RCN3: variants seen among roughly 807,000 people sequenced by gnomAD.
RCN3 encodes the protein reticulocalbin 3.
Under a neutral mutation model 35.9 loss-of-function variants are expected in RCN3, and 41 were observed. The ratio of observed to expected loss-of-function variants is 1.14; its 90% CI spans 0.89 to 1.48. RCN3 has a LOEUF of 1.48. RCN3 is among the 40% of genes most tolerant of loss of function. The probability of loss-of-function intolerance (pLI) is 0.00; values close to 1 mark genes in which losing one functional copy is unlikely to be tolerated. For missense variants in RCN3, 451 were observed against 471.3 expected, an observed-to-expected ratio of 0.96 and a Z score of 0.40; for synonymous variants, 187 against 193.4, an observed-to-expected ratio of 0.97 and a Z score of 0.27.
intron 4 of RCN3, among the ~76,000 whole-genome samples, chr19:49,537,969 C>CT (rs58208424): frequency 2.0e-5 from 3 of 148,798 alleles, no homozygotes; most frequent in South Asian, 2.1e-4. Flanking sequence ...TAGAAGAAGG[C>CT]TTTTTTTTTC....
intron 3 of RCN3, among the ~76,000 whole-genome samples, chr19:49,535,871 TATATAG>T (rs1210405684): frequency 4.8e-5 from 7 of 146,294 alleles, no homozygotes; most frequent in African/African-American, 7.6e-5. Flanking sequence ...AATATATATA[TATATAG>T]ATAGATAGAT....
chr19:49,539,115 C>T lies in RCN3; in HGVS notation c.619-4C>T. The T allele has an allele frequency of 6.3e-7, 1 of 1,598,596 alleles. No homozygotes were observed. Among genetic ancestry groups the T allele is most frequent in the African/African-American group, 1.3e-5 (1 of 74,336 alleles). On this transcript the variant is annotated splice_region_variant and splice_polypyrimidine_tract_variant and intron_variant, in intron 4 of 6. Transcript: ENST00000270645. Reference sequence around the variant, plus strand: ...CCCAGCCTCAATGCCCCTTTCTCCTCCAGGAAACCCTGGAGGACCTGGACA... The same window carrying T: ...CCCAGCCTCAATGCCCCTTTCTCCTTCAGGAAACCCTGGAGGACCTGGACA...
Position 49,531,115 on chromosome 19 carries a change from A to G in RCN3, c.242+2401A>G, listed in dbSNP as rs565234419. ...GGGGATCACTTGAGCCCAGGAGTTC[A>G]AGACCAGCCTGGGCAACATAGTGAT... On this transcript the variant is annotated intron_variant, in intron 2 of 6. Transcript: ENST00000270645. 3.3e-5 allele frequency among the ~76,000 whole-genome samples: 5 copies of G among 152,150 alleles called. No individual in the cohort carries two copies. The East Asian group carries it at 9.7e-4, about 30-fold the overall frequency.
At chr19:49,534,145 G>GCCTGGGGGCGGGA in intron 2 of RCN3, 48 bp from the exon 3 acceptor site, 4 of 1,439,294 alleles carry the variant, frequency 2.8e-6, no homozygotes, top group Non-Finnish European at 3.6e-6. Context: ...GAGGGGCGGG[G>GCCTGGGGGCGGGA]CCTGGGGGCG....
intron 2 of RCN3, among the ~76,000 whole-genome samples, chr19:49,531,751 C>G (rs1313473059): frequency 6.6e-6 from 1 of 152,146 alleles, no homozygotes; most frequent in Non-Finnish European, 1.5e-5. Flanking sequence ...GCACATTTAG[C>G]TTAGCACTAA....
Position 49,542,687 on chromosome 19 carries a change from C to T in RCN3, c.814C>T (p.Pro272Ser), listed in dbSNP as rs1483134891. 1 of 1,597,092 alleles carries T rather than the reference C, an allele frequency of 6.3e-7. No homozygotes were observed. The highest frequency in any genetic ancestry group is 2.3e-5 in the East Asian group (1 of 44,284). ...DGSEVGHWVL[P>S]PAQDQPLVEA... is the part of the protein sequence containing the mutation. ...GAGTGAGGTGGGCCACTGGGTGCTG[C>T]CCCCTGCCCAGGACCAGCCCCTGGT... The change falls in exon 6 of 7, where the codon CCC (proline) becomes TCC (serine). Residue 272 changes from proline to serine, a missense_variant. Physicochemically the swap from Pro to Ser is moderately conservative, Grantham distance 74. Coordinates refer to ENST00000270645, the MANE Select transcript of RCN3 (RefSeq NM_020650.3).
intron 5 of RCN3, 51 bp from the exon 6 acceptor site, chr19:49,542,502 C>A: frequency 1.4e-6 from 2 of 1,395,638 alleles, no homozygotes; most frequent in Non-Finnish European, 2.0e-6. Context: ...CCCAGCTCCA[C>A]TAGACCCCCA....
chr19:49,528,690 C>G lies in RCN3; in HGVS notation c.218C>G (p.Pro73Arg), dbSNP rs756894893. The change falls in exon 2 of 7, where the codon CCA becomes CGA. Residue 73 changes from proline (P) to arginine (R), a missense_variant. By Grantham distance (103) the Pro-to-Arg change is moderately radical. Coordinates refer to ENST00000270645, the MANE Select transcript of RCN3 (RefSeq NM_020650.3). ...EVAKEFDQLT[P>R]EESQARLGRI... ...GCCAAGGAATTCGACCAACTCACCC[C>G]AGAGGAAAGCCAGGCCCGTCTGGGG... 2.5e-6 allele frequency: 4 copies of G among 1,602,078 alleles called. No homozygotes were observed. Among genetic ancestry groups the G allele is most frequent in the Admixed American group, 3.4e-5 (2 of 58,332 alleles).
intron 4 of RCN3, among the ~76,000 whole-genome samples, chr19:49,538,110 G>C (rs60163835): frequency 6.8e-6 from 1 of 148,042 alleles, no homozygotes; most frequent in African/African-American, 2.5e-5. Flanking sequence ...TCCCACCTCC[G>C]CCTTCTGAGA....
At chr19:49,533,094 G>A (rs1008797399) in intron 2 of RCN3, among the ~76,000 whole-genome samples, 1 of 152,188 alleles carries the variant, frequency 6.6e-6, no homozygotes, top group Non-Finnish European at 1.5e-5. Flanking sequence ...GAGAGGTTAA[G>A]TCACTTGCCC....
rs1446886806 is a variant in RCN3 at position 49,534,196 on chromosome 19, G to T, written c.246G>T (p.Arg82=). The T allele has an allele frequency of 6.7e-7, 1 of 1,491,922 alleles. No homozygotes were observed. The highest frequency in any genetic ancestry group is 1.3e-5 in the South Asian group (1 of 78,174). 92.4% of individuals were successfully genotyped at this position (1,491,922 alleles called of 1,614,324 possible). A position where few individuals can be genotyped will look rare whatever the true frequency, so the allele number is the denominator to read the frequency against. ...GTGTGCCCGCCCCGGCTTCTAGGCG[G>T]ATCGTGGACCGCATGGACCGCGCGG... ...TPEESQARLG[R]IVDRMDRAGD... Residue 82 remains arginine, a synonymous_variant, in exon 3 of 7, where the codon CGG becomes CGT. Transcript: ENST00000270645.
At chr19:49,531,952 C>G (rs953656602) in intron 2 of RCN3, among the ~76,000 whole-genome samples, 1 of 151,070 alleles carries the variant, frequency 6.6e-6, no homozygotes, top group Non-Finnish European at 1.5e-5. Context: ...AGGCGCCCAC[C>G]ACCACGCCCA....
chr19:49,534,174 T>G lies in RCN3; in HGVS notation c.243-19T>G. On this transcript the variant is annotated intron_variant, in intron 2 of 6. Transcript: ENST00000270645. ...GGGGGCGGGACCAGAGCCTGACGTG[T>G]GCCCGCCCCGGCTTCTAGGCGGATC... 6.8e-7 allele frequency: 1 copy of G among 1,477,396 alleles called. No homozygotes were observed. Among genetic ancestry groups the G allele is most frequent in the Non-Finnish European group, 8.9e-7 (1 of 1,119,812 alleles). 91.5% of individuals were successfully genotyped at this position (1,477,396 alleles called of 1,614,324 possible).
At chr19:49,532,848 G>A (rs954357271) in intron 2 of RCN3, among the ~76,000 whole-genome samples, 1 of 151,660 alleles carries the variant, frequency 6.6e-6, no homozygotes, top group African/African-American at 2.4e-5. Context: ...GCTAATTTTT[G>A]TATTTTTAGT....
intron 5 of RCN3, 111 bp downstream of exon 5, chr19:49,539,290 A>G: frequency 1.2e-6 from 1 of 801,472 alleles, no homozygotes; most frequent in Non-Finnish European, 2.0e-6. Context: ...AGTGGCCCTC[A>G]GACATGGGGG....
rs1009998398 is a variant in RCN3 at position 49,536,276 on chromosome 19, G to A, written c.446-757G>A. 3.5e-5 allele frequency among the ~76,000 whole-genome samples: 5 copies of A among 141,178 alleles called. No individual in the cohort carries two copies. The East Asian group carries it at 8.2e-4, about 23-fold the overall frequency. The allele number at this position is 141,178 out of a possible 152,430, so 92.6% of individuals were successfully genotyped here. A position where few individuals can be genotyped will look rare whatever the true frequency, so the allele number is the denominator to read the frequency against. On this transcript the variant is annotated intron_variant, in intron 3 of 6. Coordinates refer to ENST00000270645, the MANE Select transcript of RCN3 (RefSeq NM_020650.3). ...GCTGTGATTACAGGTTTGAGCCACC[G>A]CACCCGGCCTACTTTTTTTTTTTTT...
intron 4 of RCN3, among the ~76,000 whole-genome samples, chr19:49,537,771 T>C (rs2080143580): frequency 6.6e-6 from 1 of 151,948 alleles, no homozygotes; most frequent in Admixed American, 6.6e-5. Context: ...AGTGCTAGGA[T>C]TATAGGCATG....
chr19:49,536,288 CTTTTTTTTTT>C (rs968434638), intron 3 of RCN3, among the ~76,000 whole-genome samples: 4 of 70,804 alleles, frequency 5.6e-5, no homozygotes, highest in Non-Finnish European at 7.9e-5. Flanking sequence ...ACCCGGCCTA[CTTTTTTTTTT>C]TTTTTTTTTT....
chr19:49,542,925 G>A (rs1298153344), intron 6 of RCN3, among the ~76,000 whole-genome samples, 173 bp downstream of exon 6: 2 of 151,960 alleles, frequency 1.3e-5, no homozygotes, highest in African/African-American at 4.8e-5. Context: ...AAGAGAGGGG[G>A]ACAGAGACCC....
Sources: gnomAD v4.1 joint callset for allele counts (sites outside exome capture counted in the v4.1 genomes callset) on GRCh38, gnomAD v4.1.1 for gene constraint, MANE v1.5 for transcripts, NCBI Gene and HGNC (gene_info 2026-07-23, HGNC 2026-07-21) for gene names.